The following SMYD2 variants were observed in gnomAD, a reference collection of about 807,000 sequenced individuals.
The protein encoded by SMYD2 is SET and MYND domain containing 2.
In SMYD2, 53 loss-of-function variants were observed where a neutral mutation model predicts 59.1. The observed-to-expected ratio is 0.90, with a 90% CI of 0.72 to 1.13. The LOEUF (loss-of-function observed/expected upper bound fraction) is 1.13. SMYD2 is among the 50% of genes most tolerant of loss of function. The pLI, the probability that SMYD2 is intolerant of heterozygous loss-of-function variation, is 0.00. For missense variants in SMYD2, 494 were observed against 544.7 expected, an observed-to-expected ratio of 0.91 and a Z score of 0.93; for synonymous variants, 208 against 198.8, an observed-to-expected ratio of 1.05 and a Z score of -0.39.
intron 6 of SMYD2, 99 bp from the exon 7 acceptor site, chr1:214,327,523 A>G: frequency 1.0e-6 from 1 of 971,252 alleles, no homozygotes; most frequent in Non-Finnish European, 1.6e-6. Context: ...AATGTCTTGC[A>G]AAGATTCAGT....
At chr1:214,335,816 AC>A (rs1657426754) in intron 11 of SMYD2, among the ~76,000 whole-genome samples, 1 of 152,164 alleles carries the variant, frequency 6.6e-6, no homozygotes, top group Admixed American at 6.5e-5. Flanking sequence ...TGGAAACTTG[AC>A]CATGTTACAT....
At chr1:214,294,538 C>G (rs373577925) in intron 1 of SMYD2, among the ~76,000 whole-genome samples, 1 of 152,112 alleles carries the variant, frequency 6.6e-6, no homozygotes, top group African/African-American at 2.4e-5. Flanking sequence ...CGTGGTGGTT[C>G]ATGTCTGTAA....
At chr1:214,298,320 A>C (rs1001412524) in intron 1 of SMYD2, among the ~76,000 whole-genome samples, 1 of 152,248 alleles carries the variant, frequency 6.6e-6, no homozygotes, top group East Asian at 1.9e-4. Flanking sequence ...TCCCTATTCA[A>C]TAAATGGTGC....
chr1:214,322,744 TATC>T (rs1182127121), intron 5 of SMYD2, among the ~76,000 whole-genome samples: 1 of 152,212 alleles, frequency 6.6e-6, no homozygotes, highest in East Asian at 1.9e-4. Context: ...TTCTGCCACT[TATC>T]ATTTACATAT....
At position 214,318,193 on chromosome 1, in the gene SMYD2, G is replaced by T; in HGVS notation, c.409+54G>T. 1 of 1,542,754 alleles carries T rather than the reference G, an allele frequency of 6.5e-7. No homozygotes were observed. Among genetic ancestry groups the T allele is most frequent in the Non-Finnish European group, 8.9e-7 (1 of 1,120,018 alleles). On this transcript the variant is annotated intron_variant, in intron 4 of 11. Coordinates refer to ENST00000366957, the MANE Select transcript of SMYD2 (RefSeq NM_020197.3). The surrounding 1 kb of genome is among the most constrained non-coding windows in gnomAD (Gnocchi z 5.4). Reference sequence around the variant, plus strand: ...TTCTCTCAGCCACAGATTTCACATGGGTTGGGCAGGATTGAAGCGAGGACG... The same window carrying T: ...TTCTCTCAGCCACAGATTTCACATGTGTTGGGCAGGATTGAAGCGAGGACG...
intron 1 of SMYD2, among the ~76,000 whole-genome samples, chr1:214,281,958 C>T (rs1656457307): frequency 6.6e-6 from 1 of 152,236 alleles, no homozygotes; most frequent in South Asian, 2.1e-4. Context: ...AGTACGCTTA[C>T]ATGGGTGTTT....
At position 214,312,584 on chromosome 1, in the gene SMYD2, G is replaced by T. The variant is rs1433280661; in HGVS notation, c.238-2178G>T. Among the ~76,000 whole-genome samples, 49 of 152,316 alleles carry T rather than the reference G, an allele frequency of 3.2e-4. No homozygotes were observed. Among genetic ancestry groups the T allele is most frequent in the Non-Finnish European group, 2.4e-4 (16 of 68,022 alleles). On this transcript the variant is annotated intron_variant, in intron 2 of 11. Transcript: ENST00000366957. This position sits in a 1 kb window ranked among gnomAD's most constrained non-coding sequence, Gnocchi z 4.1. ...ACATTCCAGCAGCGGCTGGAGAGGA[G>T]GGAGGGAGTCACATGGATATCCAGG...
At chr1:214,305,929 G>T (rs567968990) in intron 2 of SMYD2, among the ~76,000 whole-genome samples, 1 of 152,316 alleles carries the variant, frequency 6.6e-6, no homozygotes, top group African/African-American at 2.4e-5. Context: ...CAAAATGTTC[G>T]TAGGTATTCC....
At chr1:214,301,277 G>C (rs1053736682) in intron 1 of SMYD2, among the ~76,000 whole-genome samples, 1 of 152,120 alleles carries the variant, frequency 6.6e-6, no homozygotes, top group African/African-American at 2.4e-5. Flanking sequence ...GTTAAATGCG[G>C]ATGTTCTTAT....
chr1:214,298,501 A>G (rs1656768503), intron 1 of SMYD2, among the ~76,000 whole-genome samples: 1 of 152,242 alleles, frequency 6.6e-6, no homozygotes, highest in Non-Finnish European at 1.5e-5. Context: ...GCAAAGGACT[A>G]TGACTAAGTC....
intron 1 of SMYD2, among the ~76,000 whole-genome samples, chr1:214,283,575 A>G (rs1470233211): frequency 1.3e-5 from 2 of 152,178 alleles, no homozygotes; most frequent in East Asian, 1.9e-4. Flanking sequence ...ATCATTTACT[A>G]TTAGTGGTTA....
intron 5 of SMYD2, among the ~76,000 whole-genome samples, chr1:214,319,200 G>C (rs144977585): frequency 6.6e-6 from 1 of 152,302 alleles, no homozygotes; most frequent in African/African-American, 2.4e-5. Flanking sequence ...TGGGTGGAGT[G>C]TAGGAAATTC....
chr1:214,292,739 C>A (rs1409224404), intron 1 of SMYD2, among the ~76,000 whole-genome samples: 1 of 152,130 alleles, frequency 6.6e-6, no homozygotes, highest in African/African-American at 2.4e-5. Context: ...AAGTTCCCTA[C>A]TAAGTGCCCC....
chr1:214,288,956 C>A (rs1008039375), intron 1 of SMYD2, among the ~76,000 whole-genome samples: 1 of 43,306 alleles, frequency 2.3e-5, no homozygotes, highest in Non-Finnish European at 5.2e-5. Context: ...TTTTTTTTTC[C>A]TTAAGCAAAT....
Position 214,286,622 on chromosome 1 carries a change from T to C in SMYD2, c.173+5195T>C, listed in dbSNP as rs576778932. On this transcript the variant is annotated intron_variant, in intron 1 of 11. Transcript: ENST00000366957. The stretch of plus-strand genomic sequence containing the variant: ...CCTGTCTCCTCTGAAGATACAAAAA[T>C]TAGCCAGGTGTAGTATAGTCCCAAC... Among the ~76,000 whole-genome samples the C allele has an allele frequency of 3.9e-5, 6 of 151,904 alleles. No individual in the cohort carries two copies. The South Asian group carries it at 1.3e-3, about 32-fold the overall frequency.
intron 5 of SMYD2, among the ~76,000 whole-genome samples, chr1:214,319,705 C>A (rs977780393): frequency 2.1e-4 from 32 of 152,194 alleles, no homozygotes; most frequent in Non-Finnish European, 5.9e-5. Flanking sequence ...GAGGGTGGCT[C>A]TTCCTGGCCT....
intron 1 of SMYD2, among the ~76,000 whole-genome samples, chr1:214,288,206 A>G (rs1656581473): frequency 6.6e-6 from 1 of 152,236 alleles, no homozygotes; most frequent in Admixed American, 6.5e-5. Context: ...CATTTCTTTA[A>G]ATCATATTGC....
rs3032359 is a variant in SMYD2 at position 214,297,314 on chromosome 1, G to GT, written c.174-7860dup. 4.3e-3 allele frequency among the ~76,000 whole-genome samples: 621 copies of GT among 144,234 alleles called. 1 individual carries two copies. Among genetic ancestry groups the GT allele is most frequent in the East Asian group, 0.025 (126 of 4,944 alleles). The allele number at this position is 144,234 out of a possible 152,430, so 94.6% of individuals were successfully genotyped here. A position where few individuals can be genotyped will look rare whatever the true frequency, so the allele number is the denominator to read the frequency against. The stretch of plus-strand genomic sequence containing the variant: ...TCCATTCCTTTGGGGGTTATTTCAG[G>GT]TTTTTTTTTTTTTAAGGAAATTTTG... On this transcript the variant is annotated intron_variant, in intron 1 of 11. Coordinates refer to ENST00000366957, the MANE Select transcript of SMYD2 (RefSeq NM_020197.3).
At chr1:214,315,321 C>T (rs1308851899) in intron 3 of SMYD2, among the ~76,000 whole-genome samples, 1 of 151,862 alleles carries the variant, frequency 6.6e-6, no homozygotes, top group African/African-American at 2.4e-5. Context: ...TGTGCATAGG[C>T]AGGCAAAGAA....
Sources: gnomAD v4.1 joint callset for allele counts (sites outside exome capture counted in the v4.1 genomes callset) on GRCh38, gnomAD v4.1.1 for gene constraint, Gnocchi (gnomAD v3.1) non-coding constraint, MANE v1.5 for transcripts, NCBI Gene and HGNC (gene_info 2026-07-23, HGNC 2026-07-21) for gene names.